Variants in PCDHA7 observed in about 807,000 individuals in gnomAD.
The protein encoded by PCDHA7 is protocadherin alpha-7.
PCDHA7 carries 37 observed loss-of-function variants against 57.2 expected under a neutral mutation model. The ratio of observed to expected loss-of-function variants is 0.65; its 90% CI spans 0.50 to 0.85. PCDHA7 has a LOEUF of 0.85. Among genes scored for constraint, PCDHA7 ranks in the 40% least tolerant of loss-of-function variants. The probability of loss-of-function intolerance (pLI) is 0.00; values close to 1 mark genes in which losing one functional copy is unlikely to be tolerated. For missense variants in PCDHA7, 1,188 were observed against 1,241.8 expected (o/e 0.96, Z 0.65); for synonymous variants, 553 against 558.8 (o/e 0.99, Z 0.15).
chr5:141,003,167 C>T (rs1160809977), intron 3 of PCDHA7, among the ~76,000 whole-genome samples: 1 of 152,180 alleles, frequency 6.6e-6, no homozygotes, highest in Non-Finnish European at 1.5e-5. Context: ...AATCCTAGTC[C>T]CTGAGGCTCA....
At chr5:140,910,197 T>C (rs1318749477) in intron 1 of PCDHA7, among the ~76,000 whole-genome samples, 1 of 152,202 alleles carries the variant, frequency 6.6e-6, no homozygotes, top group African/African-American at 2.4e-5. Context: ...TAGTCTTTTG[T>C]CCACTTGACC....
At chr5:140,851,249 A>G in intron 1 of PCDHA7, 1 of 1,094,194 alleles carries the variant, frequency 9.1e-7, no homozygotes, top group Non-Finnish European at 1.2e-6. Context: ...TAAATGATGC[A>G]TAGTATTTTA....
chr5:141,002,494 C>CGGT (rs2098083464), intron 3 of PCDHA7, among the ~76,000 whole-genome samples: 1 of 152,228 alleles, frequency 6.6e-6, no homozygotes, highest in Admixed American at 6.5e-5. Flanking sequence ...CCTTGTTATA[C>CGGT]AGCTCAGGAT....
At chr5:140,941,523 A>T (rs1351933430) in intron 1 of PCDHA7, among the ~76,000 whole-genome samples, 1 of 151,186 alleles carries the variant, frequency 6.6e-6, no homozygotes, top group Non-Finnish European at 1.5e-5. Flanking sequence ...CACCATCTTG[A>T]CCAGGCTGGT....
At position 140,869,660 on chromosome 5, in the gene PCDHA7, G is replaced by T. The variant is rs782182212; in HGVS notation, c.2355+32922G>T. On this transcript the variant is annotated intron_variant, in intron 1 of 3. Coordinates refer to ENST00000525929, the MANE Select transcript of PCDHA7 (RefSeq NM_018910.3). ...TTTTCTTTAGATTCACCAACAAATG[G>T]TAAGCAGATTAAAAGACTGTCACTT... is the stretch of plus-strand genomic sequence containing the variant. 7 of 1,613,392 alleles carry T rather than the reference G, an allele frequency of 4.3e-6. No individual in the cohort carries two copies. The Admixed American group carries it at 1.2e-4, about 27-fold the overall frequency.
chr5:140,904,901 T>C (rs782489947), intron 1 of PCDHA7, among the ~76,000 whole-genome samples: 9 of 152,224 alleles, frequency 5.9e-5, no homozygotes, highest in Non-Finnish European at 1.0e-4. Context: ...TTTGTTTTTC[T>C]TACTGATTTG....
chr5:140,926,682 C>T, intron 1 of PCDHA7: 1 of 656,722 alleles, frequency 1.5e-6, no homozygotes, highest in Non-Finnish European at 2.3e-6. Context: ...CAGCCTCCAG[C>T]CTAGCAAGCC....
At position 140,852,587 on chromosome 5, in the gene PCDHA7, T is replaced by A. The variant is rs2150519180; in HGVS notation, c.2355+15849T>A. The stretch of plus-strand genomic sequence containing the variant: ...CACTGTGCCAAGGCTTTTTTATTTT[T>A]TTTTTTTGTCATTTTCTTTCAAAAC... On this transcript the variant is annotated intron_variant, in intron 1 of 3. Coordinates refer to ENST00000525929, the MANE Select transcript of PCDHA7 (RefSeq NM_018910.3). 5.8e-4 allele frequency: 511 copies of A among 881,870 alleles called. 32 individuals carry two copies. Among genetic ancestry groups the A allele is most frequent in the Admixed American group, 7.6e-4 (12 of 15,710 alleles). 54.6% of individuals were successfully genotyped at this position (881,870 alleles called of 1,614,324 possible).
At chr5:140,941,240 T>TTTC (rs2092939181) in intron 1 of PCDHA7, among the ~76,000 whole-genome samples, 2 of 141,590 alleles carry the variant, frequency 1.4e-5, no homozygotes, top group Non-Finnish European at 3.0e-5. Flanking sequence ...TCTTTCTTTC[T>TTTC]TTCTTTCTTT....
At chr5:140,853,303 A>G in intron 1 of PCDHA7, 1 of 982,870 alleles carries the variant, frequency 1.0e-6, no homozygotes, top group Non-Finnish European at 1.2e-6. Flanking sequence ...AAGGGCTGTG[A>G]ACACCTTAGT....
intron 1 of PCDHA7, chr5:140,848,628 G>A (rs1324481449): frequency 6.3e-7 from 1 of 1,593,422 alleles, no homozygotes; most frequent in Non-Finnish European, 8.6e-7. Flanking sequence ...CGGCACCTTC[G>A]TGGGCCGCAT....
Position 140,835,557 on chromosome 5 carries a change from C to G in PCDHA7, c.1174C>G (p.Arg392Gly), listed in dbSNP as rs2150238146. The G allele has an allele frequency of 2.5e-6, 4 of 1,613,818 alleles. No individual in the cohort carries two copies. Among genetic ancestry groups the G allele is most frequent in the Non-Finnish European group, 3.4e-6 (4 of 1,179,878 alleles). The stretch of plus-strand genomic sequence containing the variant: ...ACAGGTTACCTGCTCCCTGACGCCC[C>G]GCGTTCCCTTCAAGTTGGTGTCCAC... ...NGQVTCSLTP[R>G]VPFKLVSTFK... Residue 392 changes from arginine (R) to glycine (G), a missense_variant, in exon 1 of 4, where the codon CGC (arginine) becomes GGC (glycine). By Grantham distance (125) the Arg-to-Gly change is moderately radical. Transcript: ENST00000525929.
At position 140,928,256 on chromosome 5, in the gene PCDHA7, CT is replaced by C. The variant is rs1563103175; in HGVS notation, c.2356-50692del. 2.5e-6 allele frequency: 4 copies of C among 1,614,234 alleles called. No homozygotes were observed. The Admixed American group carries it at 6.7e-5, about 27-fold the overall frequency. On this transcript the variant is annotated intron_variant, in intron 1 of 3. Transcript: ENST00000525929. ...CAACCCCAGCAGGAACTTTTCGTTG[CT>C]GAAAACAATGGCCCTGGGGCCTCTC... is the stretch of plus-strand genomic sequence containing the variant.
At chr5:140,887,776 G>T (rs2061574225) in intron 1 of PCDHA7, among the ~76,000 whole-genome samples, 1 of 152,036 alleles carries the variant, frequency 6.6e-6, no homozygotes, top group Non-Finnish European at 1.5e-5. Context: ...CAATGACACA[G>T]GTCATTGAAG....
At chr5:140,843,750 A>G (rs2150366095) in intron 1 of PCDHA7, 5 of 1,520,464 alleles carry the variant, frequency 3.3e-6, no homozygotes, top group South Asian at 1.2e-5. Context: ...CATAAATTCT[A>G]TTTGTGGAAA....
chr5:140,853,472 T>C lies in PCDHA7; in HGVS notation c.2355+16734T>C, dbSNP rs1420566523. The C allele has an allele frequency of 4.8e-5, 47 of 973,390 alleles. 7 individuals are homozygous for C. The highest frequency in any genetic ancestry group is 5.7e-5 in the Non-Finnish European group (46 of 806,260). 60.3% of individuals were successfully genotyped at this position (973,390 alleles called of 1,614,324 possible). A position where few individuals can be genotyped will look rare whatever the true frequency, so the allele number is the denominator to read the frequency against. ...AGGTCTCCTTATATGCATCTGTAGT[T>C]AACATTCCTCAATTCAAGTTAGAAT... On this transcript the variant is annotated intron_variant, in intron 1 of 3. Coordinates refer to ENST00000525929, the MANE Select transcript of PCDHA7 (RefSeq NM_018910.3).
rs543030376 is a variant in PCDHA7, at chr5:140,961,758, G to A, written c.2356-17191G>A. 3.3e-5 allele frequency among the ~76,000 whole-genome samples: 5 copies of A among 152,240 alleles called. No individual in the cohort carries two copies. In the South Asian group the frequency reaches 8.3e-4, roughly 25 times the overall value. On this transcript the variant is annotated intron_variant, in intron 1 of 3. Coordinates refer to ENST00000525929, the MANE Select transcript of PCDHA7 (RefSeq NM_018910.3). ...CTTTAGTAATATTACAGTTTTGAAG[G>A]AATTTATATCAAGCTTAATGGCACT...
At chr5:140,942,996 C>T (rs1294135098) in intron 1 of PCDHA7, among the ~76,000 whole-genome samples, 1 of 151,798 alleles carries the variant, frequency 6.6e-6, no homozygotes, top group South Asian at 2.1e-4. Context: ...GTGGCTCATG[C>T]CTGTAATCCC....
chr5:140,895,257 T>C (rs1180344268), intron 1 of PCDHA7, among the ~76,000 whole-genome samples: 2 of 152,212 alleles, frequency 1.3e-5, no homozygotes, highest in Non-Finnish European at 1.5e-5. Flanking sequence ...AGCTTTCTTT[T>C]TTTTCTTACT....
Sources: gnomAD v4.1 joint callset for allele counts (sites outside exome capture counted in the v4.1 genomes callset) on GRCh38, gnomAD v4.1.1 for gene constraint, MANE v1.5 for transcripts, NCBI Gene and HGNC (gene_info 2026-07-23, HGNC 2026-07-21) for gene names.